Variants in CCSER1 observed in about 807,000 individuals in gnomAD.
CCSER1 encodes the protein coiled-coil serine rich protein 1, also known as serine-rich coiled-coil domain-containing protein 1.
A neutral mutation model predicts 82.0 loss-of-function variants in CCSER1; 41 were observed. That is an observed-to-expected ratio of 0.50 (90% CI 0.39 to 0.65). The LOEUF (loss-of-function observed/expected upper bound fraction) is 0.65, where lower values mean the gene tolerates loss of function less well. Ranked by LOEUF, CCSER1 falls within the 30% of genes least tolerant of loss-of-function variation. CCSER1 has a pLI of 0.00. For missense variants in CCSER1, 1,119 were observed against 1,064.2 expected (o/e 1.05, Z -0.72); for synonymous variants, 414 against 383.9 (o/e 1.08, Z -0.92).
intron 6 of CCSER1, among the ~76,000 whole-genome samples, chr4:90,634,418 A>C (rs981395671): frequency 3.3e-5 from 5 of 151,828 alleles, no homozygotes; most frequent in Non-Finnish European, 5.9e-5. Flanking sequence ...AAGACTTTCA[A>C]GGATAATATT....
At chr4:90,368,196 G>C (rs1409997285) in intron 3 of CCSER1, among the ~76,000 whole-genome samples, 1 of 151,926 alleles carries the variant, frequency 6.6e-6, no homozygotes, top group Admixed American at 6.6e-5. Flanking sequence ...ATACCTGGTT[G>C]TCATTCAAAT....
intron 1 of CCSER1, among the ~76,000 whole-genome samples, chr4:90,287,168 A>G (rs188331861): frequency 5.9e-5 from 9 of 151,992 alleles, no homozygotes; most frequent in Non-Finnish European, 1.0e-4. Context: ...CTGAAATTCA[A>G]AAAAGCATCA....
At chr4:90,828,817 A>G (rs954291348) in intron 8 of CCSER1, among the ~76,000 whole-genome samples, 1 of 152,196 alleles carries the variant, frequency 6.6e-6, no homozygotes, top group Non-Finnish European at 1.5e-5. Flanking sequence ...AATAAAATTT[A>G]TATCGTATTT....
At chr4:90,957,083 A>G (rs1733522404) in intron 9 of CCSER1, among the ~76,000 whole-genome samples, 1 of 124,912 alleles carries the variant, frequency 8.0e-6, no homozygotes, top group South Asian at 2.6e-4. Context: ...ATCCAGCCTG[A>G]TATTTCTTTC....
At chr4:90,437,424 G>A (rs948196868) in intron 4 of CCSER1, among the ~76,000 whole-genome samples, 17 of 152,238 alleles carry the variant, frequency 1.1e-4, no homozygotes, top group African/African-American at 3.6e-4. Context: ...GAGATAATAT[G>A]ATGAGATAGG....
intron 3 of CCSER1, among the ~76,000 whole-genome samples, chr4:90,390,755 T>C (rs1458895423): frequency 6.6e-6 from 1 of 152,206 alleles, no homozygotes; most frequent in African/African-American, 2.4e-5. Flanking sequence ...GATACAAGTG[T>C]ATATATCTTT....
intron 6 of CCSER1, among the ~76,000 whole-genome samples, chr4:90,723,255 A>T (rs1464454961): frequency 3.3e-5 from 5 of 151,972 alleles, no homozygotes; most frequent in Non-Finnish European, 7.4e-5. Context: ...ATCTCTCATT[A>T]AAGACGTTTT....
chr4:90,610,122 G>A (rs978683975), intron 5 of CCSER1, among the ~76,000 whole-genome samples: 1 of 151,896 alleles, frequency 6.6e-6, no homozygotes, highest in South Asian at 2.1e-4. Flanking sequence ...GCGTGGTGGC[G>A]GGCACCTGTA....
chr4:90,908,062 T>C (rs1293678842), intron 8 of CCSER1, among the ~76,000 whole-genome samples: 2 of 152,062 alleles, frequency 1.3e-5, no homozygotes, highest in African/African-American at 4.8e-5. Flanking sequence ...GGAGTCAATA[T>C]GGTACTAAAT....
At chr4:90,246,958 A>G (rs1721513413) in intron 1 of CCSER1, among the ~76,000 whole-genome samples, 1 of 152,082 alleles carries the variant, frequency 6.6e-6, no homozygotes, top group South Asian at 2.1e-4. Flanking sequence ...AATGGCCAGC[A>G]TCACGGGGGC....
intron 5 of CCSER1, among the ~76,000 whole-genome samples, chr4:90,507,727 A>T (rs1770912006): frequency 6.6e-6 from 1 of 152,040 alleles, no homozygotes; most frequent in African/African-American, 2.4e-5. Flanking sequence ...TCATCTGGCC[A>T]CTTCTCTTCA....
intron 10 of CCSER1, among the ~76,000 whole-genome samples, chr4:91,143,299 T>C (rs1254752707): frequency 6.6e-6 from 1 of 152,050 alleles, no homozygotes; most frequent in Non-Finnish European, 1.5e-5. Flanking sequence ...TATTGGCGTA[T>C]AGAAATGTTA....
intron 1 of CCSER1, among the ~76,000 whole-genome samples, chr4:90,178,123 T>G (rs373933716): frequency 1.3e-5 from 2 of 152,116 alleles, no homozygotes; most frequent in East Asian, 1.9e-4. Flanking sequence ...GCTATTAAAA[T>G]TTTTGGAATG....
intron 10 of CCSER1, among the ~76,000 whole-genome samples, chr4:91,227,489 T>A (rs1279832611): frequency 6.6e-6 from 1 of 151,728 alleles, no homozygotes; most frequent in Non-Finnish European, 1.5e-5. Flanking sequence ...TATTTTGCAA[T>A]GATATTTAGC....
chr4:90,193,547 T>C (rs904813795), intron 1 of CCSER1, among the ~76,000 whole-genome samples: 45 of 151,688 alleles, frequency 3.0e-4, no homozygotes, highest in African/African-American at 1.1e-3. Flanking sequence ...TACATATTCT[T>C]AAAAGTTATT....
At chr4:91,111,892 A>G (rs2148873513) in intron 10 of CCSER1, among the ~76,000 whole-genome samples, 1 of 151,926 alleles carries the variant, frequency 6.6e-6, no homozygotes, top group African/African-American at 2.4e-5. Context: ...GCCAAATTTA[A>G]TAGGGTAAAT....
chr4:91,363,722 A>G (rs1749420287), intron 10 of CCSER1, among the ~76,000 whole-genome samples: 1 of 151,798 alleles, frequency 6.6e-6, no homozygotes, highest in Non-Finnish European at 1.5e-5. Flanking sequence ...CAGTGATTTT[A>G]TTGAACACAT....
At chr4:91,529,085 C>T (rs187289146) in intron 10 of CCSER1, among the ~76,000 whole-genome samples, 1 of 152,036 alleles carries the variant, frequency 6.6e-6, no homozygotes, top group Non-Finnish European at 1.5e-5. Context: ...AGGTTTTGAT[C>T]AAATCATTCC....
chr4:91,174,614 T>A (rs1419290070), intron 10 of CCSER1, among the ~76,000 whole-genome samples: 1 of 152,130 alleles, frequency 6.6e-6, no homozygotes, highest in Non-Finnish European at 1.5e-5. Flanking sequence ...ACCAAGCTAC[T>A]ATACTTTAAA....
Sources: gnomAD v4.1 joint callset for allele counts (sites outside exome capture counted in the v4.1 genomes callset) on GRCh38, gnomAD v4.1.1 for gene constraint, MANE v1.5 for transcripts, NCBI Gene and HGNC (gene_info 2026-07-23, HGNC 2026-07-21) for gene names.